Variants in NLRC4 observed in about 807,000 individuals in gnomAD.
NLRC4 encodes NLR family CARD domain-containing protein 4.
In NLRC4, 63 loss-of-function variants were observed where a neutral mutation model predicts 79.9. The ratio of observed to expected loss-of-function variants is 0.79; its 90% CI spans 0.64 to 0.97. NLRC4 has a LOEUF of 0.97. Among genes scored for constraint, NLRC4 ranks in the 50% least tolerant of loss-of-function variants. NLRC4 has a pLI of 0.00. For missense variants in NLRC4, 1,074 were observed against 1,215.2 expected (o/e 0.88, Z 1.73); for synonymous variants, 461 against 456.5 (o/e 1.01, Z -0.12).
intron 2 of NLRC4, among the ~76,000 whole-genome samples, 194 bp from the exon 3 acceptor site, chr2:32,252,873 C>G (rs1687114654): frequency 6.6e-6 from 1 of 151,934 alleles, no homozygotes; most frequent in Non-Finnish European, 1.5e-5. Flanking sequence ...AAAAAATTAG[C>G]CGGGCGTGGT....
At chr2:32,249,584 C>G in intron 4 of NLRC4, 23 bp downstream of exon 4, 3 of 1,518,356 alleles carry the variant, frequency 2.0e-6, no homozygotes, top group Non-Finnish European at 2.7e-6. Context: ...GAACAAAGCA[C>G]AAACCACTGA....
chr2:32,228,212 G>A (rs2148929814), intron 8 of NLRC4, among the ~76,000 whole-genome samples: 1 of 152,174 alleles, frequency 6.6e-6, no homozygotes, highest in East Asian at 1.9e-4. Context: ...GGGTACCCTG[G>A]GAGCACACAA....
rs770936408 is a variant in NLRC4, at chr2:32,241,089, A to G, written c.2294T>C (p.Leu765Pro). ...LTDSLGNLKN[L>P]TKLIMDNIKM... is the part of the protein sequence containing the mutation. ...TATGTTATCCATTATGAGCTTTGTA[A>G]GGTTCTTCAAGTTACCCAAGCTGTC... is the stretch of plus-strand genomic sequence containing the variant. The change falls in exon 5 of 9, where the codon CTT (leucine) becomes CCT (proline). Residue 765 changes from leucine (L) to proline (P), a missense_variant. Transcript: ENST00000402280. 6.2e-7 allele frequency: 1 copy of G among 1,610,068 alleles called. No homozygotes were observed. The highest frequency in any genetic ancestry group is 8.5e-7 in the Non-Finnish European group (1 of 1,177,702).
In NLRC4 at chr2:32,251,220, G is replaced by T. The variant is rs1320552928; in HGVS notation, c.644C>A (p.Thr215Asn). The T allele has an allele frequency of 6.2e-7, 1 of 1,614,072 alleles. No individual in the cohort carries two copies. The highest frequency in any genetic ancestry group is 8.5e-7 in the Non-Finnish European group (1 of 1,180,020). ...LSRAQGGLFE[T>N]LCDQLLDIPG... Reference sequence around the variant, plus strand: ...TATATCCAGGAGTTGATCACAGAGGGTTTCAAAAAGTCCACCCTGGGCCCT... The same window carrying T: ...TATATCCAGGAGTTGATCACAGAGGTTTTCAAAAAGTCCACCCTGGGCCCT... Residue 215 changes from threonine (T) to asparagine (N), a missense_variant, in exon 4 of 9, where the codon ACC becomes AAC. Coordinates refer to ENST00000402280, the MANE Select transcript of NLRC4 (RefSeq NM_001199138.2).
intron 5 of NLRC4, among the ~76,000 whole-genome samples, chr2:32,238,704 C>T (rs1453626932): frequency 2.0e-5 from 3 of 151,994 alleles, no homozygotes; most frequent in Non-Finnish European, 2.9e-5. Flanking sequence ...GGACTTGGCT[C>T]CTTGGAGTGC....
intron 5 of NLRC4, among the ~76,000 whole-genome samples, chr2:32,239,426 T>C (rs537467597): frequency 6.6e-6 from 1 of 152,376 alleles, no homozygotes; most frequent in South Asian, 2.1e-4. Flanking sequence ...TGTTCATTGT[T>C]GTCATGGGAG....
In NLRC4 at chr2:32,250,784, T is replaced by C. The variant is rs748510736; in HGVS notation, c.1080A>G (p.Thr360=). The change falls in exon 4 of 9, where the codon ACA becomes ACG. Residue 360 remains threonine, a synonymous_variant. Transcript: ENST00000402280. This position sits in a 1 kb window ranked among gnomAD's most constrained non-coding sequence, Gnocchi z 4.9. ...GATCATAGAAGGTATGGAACAGCGT[T>C]GTTTGTGTGTGAGAGTGGAACTCAC... ...GESEFHSHTQ[T]TLFHTFYDLL... The C allele has an allele frequency of 9.1e-5, 147 of 1,614,046 alleles. No homozygotes were observed. The highest frequency in any genetic ancestry group is 1.1e-4 in the Non-Finnish European group (126 of 1,180,006).
rs193024853 is a variant in NLRC4, at chr2:32,237,042, A to G, written c.2522-703T>C. On this transcript the variant is annotated intron_variant, in intron 6 of 8. Transcript: ENST00000402280. ...AAAGACGTGTTTGAATGACAAAGACACAAATATGTTGAGGTAATGGAAAAC... is the reference window on the plus strand; with the variant it reads ...AAAGACGTGTTTGAATGACAAAGACGCAAATATGTTGAGGTAATGGAAAAC... Among the ~76,000 whole-genome samples, 645 of 152,328 alleles carry G rather than the reference A, an allele frequency of 4.2e-3. 9 individuals are homozygous for G. Among genetic ancestry groups the G allele is most frequent in the African/African-American group, 0.015 (626 of 41,572 alleles).
In NLRC4 at chr2:32,238,670, G is replaced by A. The variant is rs528536023; in HGVS notation, c.2351-368C>T. Among the ~76,000 whole-genome samples, 1,432 of 151,616 alleles carry A rather than the reference G, an allele frequency of 9.4e-3. 27 individuals are homozygous for A. The highest frequency in any genetic ancestry group is 0.049 in the South Asian group (236 of 4,780). ...TCTCAAAAATCTTAAACAGCGGGGG[G>A]GCTGAGTTCAGGGAGGTAGATGAGG... On this transcript the variant is annotated intron_variant, in intron 5 of 8. Coordinates refer to ENST00000402280, the MANE Select transcript of NLRC4 (RefSeq NM_001199138.2).
chr2:32,245,126 A>G (rs1686901408), intron 4 of NLRC4, among the ~76,000 whole-genome samples: 1 of 151,984 alleles, frequency 6.6e-6, no homozygotes, highest in Non-Finnish European at 1.5e-5. Context: ...CCTGGTCAAC[A>G]TGGTGAAACC....
chr2:32,225,526 G>A (rs1286764493), intron 8 of NLRC4, among the ~76,000 whole-genome samples: 1 of 151,896 alleles, frequency 6.6e-6, no homozygotes, highest in Non-Finnish European at 1.5e-5. Flanking sequence ...AGTGAGTCTT[G>A]CAATAAGAAA....
intron 6 of NLRC4, 62 bp downstream of exon 6, chr2:32,238,070 G>T (rs1686712079): frequency 2.5e-6 from 3 of 1,214,548 alleles, no homozygotes; most frequent in Non-Finnish European, 3.5e-6. Context: ...GTGTGAATTA[G>T]TATAATAGTA....
chr2:32,255,296 G>A lies in NLRC4; in HGVS notation c.1+1479C>T, dbSNP rs182435314. Among the ~76,000 whole-genome samples the A allele has an allele frequency of 7.9e-5, 12 of 152,124 alleles. No homozygotes were observed. In the East Asian group the frequency reaches 1.5e-3, roughly 20 times the overall value. On this transcript the variant is annotated intron_variant, in intron 2 of 8. Coordinates refer to ENST00000402280, the MANE Select transcript of NLRC4 (RefSeq NM_001199138.2). ...AGCACTTTGGAAGGCTGAGGTGGGC[G>A]GATTATCTGAGGTCGGGAGTTCGAG...
intron 8 of NLRC4, among the ~76,000 whole-genome samples, chr2:32,228,191 A>G (rs922832840): frequency 9.9e-5 from 15 of 152,140 alleles, no homozygotes; most frequent in Admixed American, 7.2e-4. Context: ...GGTGGGTGCT[A>G]TGGTAGGTCA....
chr2:32,228,657 TAAGA>T (rs955613889), intron 8 of NLRC4, among the ~76,000 whole-genome samples: 30 of 152,268 alleles, frequency 2.0e-4, no homozygotes, highest in Admixed American at 1.6e-3. Context: ...AATAAGATGC[TAAGA>T]AAGAGCTTTT....
intron 1 of NLRC4, among the ~76,000 whole-genome samples, chr2:32,259,995 G>A (rs1194992469): frequency 2.0e-5 from 3 of 152,098 alleles, no homozygotes; most frequent in Non-Finnish European, 4.4e-5. Flanking sequence ...TTGGGAGGCC[G>A]AGGTGGGCGG....
Position 32,238,188 on chromosome 2 carries a change from A to C in NLRC4, c.2465T>G (p.Leu822Arg). 6.2e-7 allele frequency: 1 copy of C among 1,613,830 alleles called. No individual in the cohort carries two copies. Among genetic ancestry groups the C allele is most frequent in the Non-Finnish European group, 8.5e-7 (1 of 1,179,902 alleles). ...VKSLSSEPCD[L>R]EEIQLVSCCL... ...GCAGGAGACTAATTGAATTTCTTCA[A>C]GGTCACAGGGTTCACTTGACAGAGA... is the stretch of plus-strand genomic sequence containing the variant. Residue 822 changes from leucine to arginine, a missense_variant, in exon 6 of 9, where the codon CTT (leucine) becomes CGT (arginine). Physicochemically the swap from Leu to Arg is moderately radical, Grantham distance 102. Transcript: ENST00000402280.
chr2:32,253,740 G>A (rs994862193), intron 2 of NLRC4, among the ~76,000 whole-genome samples: 5 of 151,912 alleles, frequency 3.3e-5, no homozygotes, highest in African/African-American at 2.4e-5. Flanking sequence ...CAAGGCGGGC[G>A]GATCACCAGA....
intron 8 of NLRC4, among the ~76,000 whole-genome samples, 169 bp from the exon 9 acceptor site, chr2:32,224,934 G>A (rs1558442440): frequency 1.3e-5 from 2 of 152,050 alleles, no homozygotes; most frequent in Non-Finnish European, 2.9e-5. Flanking sequence ...TATAGCTAGG[G>A]CAGTGATTGT....
Sources: allele counts gnomAD v4.1 joint callset (sites outside exome capture counted in the v4.1 genomes callset), GRCh38; gene constraint gnomAD v4.1.1; non-coding constraint Gnocchi (gnomAD v3.1); transcripts MANE v1.5; gene names NCBI Gene and HGNC (gene_info 2026-07-23, HGNC 2026-07-21).